Variants in RIOK2 observed in about 807,000 individuals in gnomAD.
The protein encoded by RIOK2 is serine/threonine-protein kinase RIO2.
RIOK2 carries 46 observed loss-of-function variants against 62.4 expected under a neutral mutation model. That is an observed-to-expected ratio of 0.74 (90% CI 0.58 to 0.94). The LOEUF (loss-of-function observed/expected upper bound fraction) is 0.94. Ranked by LOEUF, RIOK2 falls within the 40% of genes least tolerant of loss-of-function variation. The pLI, the probability that RIOK2 is intolerant of heterozygous loss-of-function variation, is 0.00. For synonymous variants in RIOK2, 197 were observed against 216.0 expected, an observed-to-expected ratio of 0.91 and a Z score of 0.77; for missense variants, 574 against 658.0, an observed-to-expected ratio of 0.87 and a Z score of 1.40.
intron 8 of RIOK2, 37 bp downstream of exon 8, chr5:97,167,430 A>G: frequency 1.3e-6 from 2 of 1,590,678 alleles, no homozygotes; most frequent in Non-Finnish European, 1.7e-6. Context: ...ATCAGTCTCA[A>G]GACTAAAGTT....
rs1364731169 is a variant in RIOK2, at chr5:97,161,638, G to C, written c.*1423C>G. The stretch of plus-strand genomic sequence containing the variant: ...AAGGTAAAAATCATGTTTGTCTTGA[G>C]TTTCTTAATAGTAATGGGCTTTTTA... On this transcript the variant is annotated 3_prime_UTR_variant, in exon 10 of 10. Coordinates refer to ENST00000283109, the MANE Select transcript of RIOK2 (RefSeq NM_018343.3). 1 of 152,130 alleles carries C rather than the reference G, an allele frequency of 6.6e-6. No individual in the cohort carries two copies. The highest frequency in any genetic ancestry group is 6.6e-5 in the Admixed American group (1 of 15,264). 9.4% of individuals were successfully genotyped at this position (152,130 alleles called of 1,614,324 possible).
At chr5:97,168,061 A>G (rs1748897112) in intron 7 of RIOK2, 70 bp from the exon 8 acceptor site, 1 of 1,407,762 alleles carries the variant, frequency 7.1e-7, no homozygotes, top group South Asian at 1.5e-5. Flanking sequence ...AATATCTACT[A>G]CTCTGATAAA....
intron 6 of RIOK2, among the ~76,000 whole-genome samples, chr5:97,170,013 T>G (rs1400123986): frequency 3.3e-5 from 5 of 152,246 alleles, no homozygotes; most frequent in African/African-American, 1.2e-4. Flanking sequence ...AAATTTATTT[T>G]CAAATGACAT....
At position 97,171,401 on chromosome 5, in the gene RIOK2, A is replaced by G. The variant is rs376201097; in HGVS notation, c.588-4T>C. On this transcript the variant is annotated splice_polypyrimidine_tract_variant and splice_region_variant and intron_variant, in intron 5 of 9. Coordinates refer to ENST00000283109, the MANE Select transcript of RIOK2 (RefSeq NM_018343.3). ...TTCAACATGGTGTATCTGACATCTG[A>G]AAGTATTTTAAGCATGAAAATAGGT... The G allele has an allele frequency of 2.6e-6, 4 of 1,511,962 alleles. No individual in the cohort carries two copies. The highest frequency in any genetic ancestry group is 1.8e-4 in the Middle Eastern group (1 of 5,540). 93.7% of individuals were successfully genotyped at this position (1,511,962 alleles called of 1,614,324 possible). A position where few individuals can be genotyped will look rare whatever the true frequency, so the allele number is the denominator to read the frequency against.
rs774813169 is a variant in RIOK2, at chr5:97,168,838, T to C, written c.794A>G (p.Asp265Gly). 2 of 1,588,748 alleles carry C rather than the reference T, an allele frequency of 1.3e-6. No individual in the cohort carries two copies. Among genetic ancestry groups the C allele is most frequent in the Non-Finnish European group, 1.7e-6 (2 of 1,170,988 alleles). The change falls in exon 7 of 10, where the codon GAT becomes GGT. Residue 265 changes from aspartate to glycine, a missense_variant. Transcript: ENST00000283109. ...AAAGAAATCTTTAATGCATTTAACA[T>C]CTCTGTCAAAATACCTGCAAAAGCA... The part of the protein sequence containing the change: ...HPNAEWYFDR[D>G]VKCIKDFFMK...
chr5:97,172,158 A>G (rs1749027741), intron 5 of RIOK2, among the ~76,000 whole-genome samples: 1 of 152,112 alleles, frequency 6.6e-6, no homozygotes. Context: ...TCTCTTATTT[A>G]GACTCATTCT....
At chr5:97,168,732 A>G (rs998376274) in intron 7 of RIOK2, 28 bp downstream of exon 7, 16 of 1,339,188 alleles carry the variant, frequency 1.2e-5, no homozygotes, top group Non-Finnish European at 1.6e-5. Context: ...AAACTGTTCT[A>G]TTATGTAAAG....
At chr5:97,166,904 C>T in intron 8 of RIOK2, 1 of 973,800 alleles carries the variant, frequency 1.0e-6, no homozygotes, top group Non-Finnish European at 1.2e-6. Context: ...ATTTTAAAAT[C>T]ATCAGTTTGT....
intron 8 of RIOK2, chr5:97,166,216 C>A: frequency 2.3e-6 from 1 of 432,028 alleles, no homozygotes. Flanking sequence ...TAAAATAAAT[C>A]TCCTATTTAT....
At chr5:97,170,880 G>A (rs1487394468) in intron 6 of RIOK2, among the ~76,000 whole-genome samples, 3 of 152,008 alleles carry the variant, frequency 2.0e-5, no homozygotes, top group Admixed American at 6.6e-5. Flanking sequence ...AGGGCCGGGC[G>A]CAATGGCTCA....
At chr5:97,167,069 A>G (rs1234198125) in intron 8 of RIOK2, 1 of 469,466 alleles carries the variant, frequency 2.1e-6, no homozygotes, top group African/African-American at 2.1e-5. Context: ...AGCACAGGCC[A>G]CCATGCCCGG....
intron 6 of RIOK2, among the ~76,000 whole-genome samples, chr5:97,170,943 C>T (rs1405504606): frequency 2.0e-5 from 3 of 151,876 alleles, no homozygotes; most frequent in Non-Finnish European, 4.4e-5. Context: ...CACCTGAGGT[C>T]AGGAGTTCAA....
intron 8 of RIOK2, chr5:97,167,220 C>T: frequency 7.3e-7 from 1 of 1,378,612 alleles, no homozygotes; most frequent in Non-Finnish European, 9.3e-7. Context: ...CTGTGCCCAG[C>T]CATCAGTTTG....
In RIOK2 at chr5:97,179,227, C is replaced by T. The variant is rs574162511; in HGVS notation, c.67-34G>A. 3.8e-6 allele frequency: 6 copies of T among 1,599,726 alleles called. 1 individual carries two copies. Among genetic ancestry groups the T allele is most frequent in the Admixed American group, 1.7e-5 (1 of 58,260 alleles). On this transcript the variant is annotated intron_variant, in intron 1 of 9. Coordinates refer to ENST00000283109, the MANE Select transcript of RIOK2 (RefSeq NM_018343.3). Reference sequence around the variant, plus strand: ...AAAGGAATCATTATATAATCATAATCAACACAAAGCCTTGTCTATCAAAAC... The same window carrying T: ...AAAGGAATCATTATATAATCATAATTAACACAAAGCCTTGTCTATCAAAAC...
rs759240472 is a variant in RIOK2, at chr5:97,163,101, A to G, written c.1619T>C (p.Ile540Thr). The change falls in exon 10 of 10, where the codon ATC (isoleucine) becomes ACC (threonine). Residue 540 changes from isoleucine (I) to threonine (T), a missense_variant. Ile to Thr is a moderately conservative substitution (Grantham distance 89, BLOSUM62 -1). Transcript: ENST00000283109. ...GCTGGCTGCTTCCAAACTTGATTTG[A>G]TATTTTGCATGTTTTCCCTACGTTG... is the stretch of plus-strand genomic sequence containing the variant. ...TKQRRENMQN[I>T]KSSLEAASFW... is the part of the protein sequence containing the mutation. The G allele has an allele frequency of 3.7e-6, 6 of 1,613,156 alleles. No homozygotes were observed. In the African/African-American group the frequency reaches 5.3e-5, roughly 14 times the overall value.
At chr5:97,166,632 T>C (rs1748847603) in intron 8 of RIOK2, 1 of 435,298 alleles carries the variant, frequency 2.3e-6, no homozygotes, top group Non-Finnish European at 3.1e-6. Flanking sequence ...TGAGCCTGAT[T>C]AATATTTACA....
chr5:97,179,269 C>T lies in RIOK2; in HGVS notation c.67-76G>A, dbSNP rs1749268482. 2.9e-6 allele frequency: 4 copies of T among 1,402,456 alleles called. No individual in the cohort carries two copies. The South Asian group carries it at 5.0e-5, about 18-fold the overall frequency. 86.9% of individuals were successfully genotyped at this position (1,402,456 alleles called of 1,614,324 possible). A position where few individuals can be genotyped will look rare whatever the true frequency, so the allele number is the denominator to read the frequency against. On this transcript the variant is annotated intron_variant, in intron 1 of 9. Coordinates refer to ENST00000283109, the MANE Select transcript of RIOK2 (RefSeq NM_018343.3). ...TATCAAAACCCTGCGAAATTAACTT[C>T]TCCTTGAAGCTTTCCTGACTATGCA...
At chr5:97,175,792 C>G (rs1320121106) in intron 4 of RIOK2, among the ~76,000 whole-genome samples, 7 of 152,174 alleles carry the variant, frequency 4.6e-5, no homozygotes, top group Admixed American at 4.6e-4. Flanking sequence ...TAAACTATGA[C>G]AAATCCTACT....
rs373094809 is a variant in RIOK2, at chr5:97,167,512, T to C, written c.1352A>G (p.His451Arg). The change falls in exon 8 of 10, where the codon CAT (histidine) becomes CGT (arginine). Residue 451 changes from histidine to arginine, a missense_variant. Transcript: ENST00000283109. Reference sequence around the variant, plus strand: ...ATTTAATGACGACAAGGCAATTAGATGAGGGCATTCATCTTCATACTCGTC... The same window carrying C: ...ATTTAATGACGACAAGGCAATTAGACGAGGGCATTCATCTTCATACTCGTC... ...GSDEYEDECPHLIALSSLNRE... is the reference protein window; with the variant it reads ...GSDEYEDECPRLIALSSLNRE... 4 of 1,614,082 alleles carry C rather than the reference T, an allele frequency of 2.5e-6. No individual in the cohort carries two copies. In the African/African-American group the frequency reaches 4.0e-5, roughly 16 times the overall value.
Sources: allele counts gnomAD v4.1 joint callset (sites outside exome capture counted in the v4.1 genomes callset), GRCh38; gene constraint gnomAD v4.1.1; transcripts MANE v1.5; gene names NCBI Gene and HGNC (gene_info 2026-07-23, HGNC 2026-07-21).